Variants in USP43 observed in about 807,000 individuals in gnomAD.
The protein encoded by USP43 is ubiquitin carboxyl-terminal hydrolase 43.
USP43 carries 33 observed loss-of-function variants against 90.7 expected under a neutral mutation model. The ratio of observed to expected loss-of-function variants is 0.36; its 90% CI spans 0.28 to 0.49. The LOEUF (loss-of-function observed/expected upper bound fraction) is 0.49. Ranked by LOEUF, USP43 falls within the 20% of genes least tolerant of loss-of-function variation. The pLI is 0.98. For synonymous variants in USP43, 598 were observed against 615.8 expected (o/e 0.97, Z 0.43); for missense variants, 1,274 against 1,476.4 (o/e 0.86, Z 2.25).
chr17:9,719,912 C>A (rs1248954026), intron 14 of USP43, among the ~76,000 whole-genome samples: 3 of 152,020 alleles, frequency 2.0e-5, no homozygotes, highest in Non-Finnish European at 4.4e-5. Context: ...ACTAAAAATA[C>A]AAAAATTAGC....
chr17:9,704,172 C>A (rs557663861), intron 12 of USP43, among the ~76,000 whole-genome samples: 50 of 152,280 alleles, frequency 3.3e-4, no homozygotes, highest in African/African-American at 1.2e-3. Context: ...GGTTCTTTTT[C>A]ACAGGTGCTC....
chr17:9,682,645 G>T (rs993207774), intron 6 of USP43, among the ~76,000 whole-genome samples, 178 bp from the exon 7 acceptor site: 1 of 152,140 alleles, frequency 6.6e-6, no homozygotes, highest in African/African-American at 2.4e-5. Context: ...CGTATGCCAG[G>T]CGTCAGATGG....
Position 9,686,736 on chromosome 17 carries a change from T to C in USP43, c.1242-62T>C. On this transcript the variant is annotated intron_variant, in intron 7 of 14. Transcript: ENST00000285199. The surrounding 1 kb of genome is among the most constrained non-coding windows in gnomAD (Gnocchi z 5.5). ...AAGCCAGGGTTAGAACAACCACTCA[T>C]GACTGGTGGATGTTGCTGGTTTTTC... The C allele has an allele frequency of 6.8e-7, 1 of 1,467,876 alleles. No individual in the cohort carries two copies. The highest frequency in any genetic ancestry group is 9.4e-7 in the Non-Finnish European group (1 of 1,060,458). The allele number at this position is 1,467,876 out of a possible 1,614,324, so 90.9% of individuals were successfully genotyped here.
chr17:9,712,849 T>C (rs1916286384), intron 14 of USP43, among the ~76,000 whole-genome samples: 1 of 152,198 alleles, frequency 6.6e-6, no homozygotes, highest in Non-Finnish European at 1.5e-5. Context: ...TTTTAAAAAA[T>C]TGACACATAA....
intron 6 of USP43, among the ~76,000 whole-genome samples, chr17:9,681,592 C>G (rs1438176365): frequency 6.8e-6 from 1 of 146,376 alleles, no homozygotes; most frequent in Non-Finnish European, 1.5e-5. Context: ...CTCCTGGGTT[C>G]AAGTGATTCT....
chr17:9,684,836 A>T (rs1914509581), intron 7 of USP43, among the ~76,000 whole-genome samples: 2 of 151,884 alleles, frequency 1.3e-5, no homozygotes, highest in African/African-American at 2.4e-5. Context: ...GCAAGATACT[A>T]TTCTTAACCT....
intron 9 of USP43, among the ~76,000 whole-genome samples, chr17:9,699,672 G>C (rs1915461327): frequency 6.6e-6 from 1 of 152,228 alleles, no homozygotes; most frequent in Admixed American, 6.5e-5. Flanking sequence ...TAGTTGGAAA[G>C]AGCTACAGGT....
chr17:9,728,900 G>A lies in USP43; in HGVS notation c.3282G>A (p.Gly1094=), dbSNP rs369028702. 6.2e-7 allele frequency: 1 copy of A among 1,613,028 alleles called. No individual in the cohort carries two copies. The highest frequency in any genetic ancestry group is 1.3e-5 in the African/African-American group (1 of 74,864). ...ALGMSQRTVP[G]EQASYGTFQR... is the part of the protein sequence containing the mutation. ...GCATGTCACAAAGGACTGTTCCAGG[G>A]GAGCAGGCTTCTTATGGCACCTTTC... The change falls in exon 15 of 15, where the codon GGG becomes GGA. Residue 1094 remains glycine, a synonymous_variant. Transcript: ENST00000285199. This position sits in a 1 kb window ranked among gnomAD's most constrained non-coding sequence, Gnocchi z 6.2.
chr17:9,661,793 C>G (rs1912661847), intron 2 of USP43, among the ~76,000 whole-genome samples: 1 of 152,178 alleles, frequency 6.6e-6, no homozygotes, highest in African/African-American at 2.4e-5. Flanking sequence ...ACTCCAGCCT[C>G]TTTCAGGGTT....
At position 9,728,784 on chromosome 17, in the gene USP43, G is replaced by A. The variant is rs1917421710; in HGVS notation, c.3166G>A (p.Gly1056Ser). The A allele has an allele frequency of 9.3e-6, 15 of 1,609,586 alleles. No homozygotes were observed. The highest frequency in any genetic ancestry group is 1.3e-5 in the Non-Finnish European group (15 of 1,177,756). Residue 1056 changes from glycine (G) to serine (S), a missense_variant, in exon 15 of 15, where the codon GGC (glycine) becomes AGC (serine). Around this residue, in one of 6 missense-constraint regions of USP43, gnomAD observed 353 missense variants for 329.7 expected, o/e 1.07. Transcript: ENST00000285199. This position sits in a 1 kb window ranked among gnomAD's most constrained non-coding sequence, Gnocchi z 6.2. ...RIPEGLARGL[G>S]SRLERDVWSA... ...CCCAGAGGGCCTGGCCAGGGGCCTG[G>A]GCAGCCGGCTCGAGAGGGATGTCTG... is the stretch of plus-strand genomic sequence containing the variant.
At position 9,645,618 on chromosome 17, in the gene USP43, G is replaced by A; in HGVS notation, c.-15G>A. On this transcript the variant is annotated 5_prime_UTR_variant, in exon 1 of 15. Coordinates refer to ENST00000285199, the MANE Select transcript of USP43 (RefSeq NM_153210.5). The surrounding 1 kb of genome is among the most constrained non-coding windows in gnomAD (Gnocchi z 6.8). ...GCCCGGGGGCTCCGCGCCTGGAGCT[G>A]CGCCGGCGGCAGCCATGGACCTGGG... 1 of 1,194,192 alleles carries A rather than the reference G, an allele frequency of 8.4e-7. No homozygotes were observed. Among genetic ancestry groups the A allele is most frequent in the South Asian group, 4.2e-5 (1 of 24,062 alleles). The allele number at this position is 1,194,192 out of a possible 1,614,324, so 74.0% of individuals were successfully genotyped here.
intron 1 of USP43, among the ~76,000 whole-genome samples, chr17:9,655,485 G>A (rs1204112718): frequency 1.3e-5 from 2 of 152,176 alleles, no homozygotes; most frequent in African/African-American, 4.8e-5. Flanking sequence ...TTGTTTTTTA[G>A]TATGTGCATA....
chr17:9,657,207 C>A (rs983655045), intron 2 of USP43, among the ~76,000 whole-genome samples: 2 of 152,162 alleles, frequency 1.3e-5, no homozygotes, highest in African/African-American at 4.8e-5. Context: ...TCTCACACTG[C>A]TATAAAGAAA....
intron 12 of USP43, among the ~76,000 whole-genome samples, chr17:9,708,313 T>G (rs1387215929): frequency 6.6e-6 from 1 of 152,148 alleles, no homozygotes; most frequent in East Asian, 1.9e-4. Flanking sequence ...CATAATCTAG[T>G]GTACAAATCA....
intron 1 of USP43, among the ~76,000 whole-genome samples, chr17:9,655,700 G>T (rs562977052): frequency 6.6e-6 from 1 of 152,168 alleles, no homozygotes; most frequent in African/African-American, 2.4e-5. Flanking sequence ...TTTGTTCACT[G>T]TTGTATCCCC....
chr17:9,701,548 C>A lies in USP43; in HGVS notation c.1859C>A (p.Ala620Asp). 1 of 1,564,792 alleles carries A rather than the reference C, an allele frequency of 6.4e-7. No homozygotes were observed. Among genetic ancestry groups the A allele is most frequent in the Non-Finnish European group, 8.7e-7 (1 of 1,155,076 alleles). Reference protein sequence around the residue: ...LSGLNMAPHVAQRSTSPEAGL... With the variant: ...LSGLNMAPHVDQRSTSPEAGL... ...GGACTCAACATGGCTCCCCATGTGGCCCAGAGAAGCACCAGCCCTGAGGCA... is the reference window on the plus strand; with the variant it reads ...GGACTCAACATGGCTCCCCATGTGGACCAGAGAAGCACCAGCCCTGAGGCA... The change falls in exon 12 of 15, where the codon GCC becomes GAC. Residue 620 changes from alanine (A) to aspartate (D), a missense_variant. Transcript: ENST00000285199. The surrounding 1 kb of genome is among the most constrained non-coding windows in gnomAD (Gnocchi z 7.2).
intron 8 of USP43, among the ~76,000 whole-genome samples, chr17:9,688,306 T>A (rs148360951): frequency 1.4e-3 from 212 of 149,980 alleles, no homozygotes; most frequent in African/African-American, 4.8e-3. Flanking sequence ...TAATTTCATG[T>A]GAGCATTTAA....
Position 9,656,514 on chromosome 17 carries a change from C to T in USP43, c.616C>T (p.Arg206Ter). 1.9e-6 allele frequency: 3 copies of T among 1,611,312 alleles called. No homozygotes were observed. Among genetic ancestry groups the T allele is most frequent in the South Asian group, 1.1e-5 (1 of 90,258 alleles). Residue 206 changes from arginine (R) to a stop codon, truncating the protein, a stop_gained, in exon 2 of 15, where the codon CGA (arginine) becomes TGA (stop). Transcript: ENST00000285199. LOFTEE classifies it high-confidence loss of function. ...ACATGAGGACCTGGAGGGTTCATCC[C>T]GAGGGCCGGTGTCGGAGAAGGTCGG... The part of the protein sequence containing the change: ...RVHEDLEGSS[R>*]GPVSEKLPPE...
At chr17:9,687,753 C>T (rs1337971047) in intron 8 of USP43, among the ~76,000 whole-genome samples, 1 of 152,106 alleles carries the variant, frequency 6.6e-6, no homozygotes, top group East Asian at 1.9e-4. Context: ...CAGCAAAAAC[C>T]ATATGTTTGA....
Sources: gnomAD v4.1 joint callset for allele counts (sites outside exome capture counted in the v4.1 genomes callset) on GRCh38, gnomAD v4.1.1 for gene constraint, gnomAD v4.1.1 regional missense constraint, Gnocchi (gnomAD v3.1) non-coding constraint, MANE v1.5 for transcripts, NCBI Gene and HGNC (gene_info 2026-07-23, HGNC 2026-07-21) for gene names.